The following ETNK2 variants were observed in gnomAD, a reference collection of about 807,000 sequenced individuals.
ETNK2 encodes ethanolamine kinase 2.
In ETNK2, 33 loss-of-function variants were observed where a neutral mutation model predicts 46.2. The ratio of observed to expected loss-of-function variants is 0.71; its 90% CI spans 0.54 to 0.96. ETNK2 has a LOEUF of 0.96. Among genes scored for constraint, ETNK2 ranks in the 40% least tolerant of loss-of-function variants. ETNK2 has a pLI of 0.00. For missense variants in ETNK2, 445 were observed against 509.7 expected (o/e 0.87, Z 1.22); for synonymous variants, 194 against 209.0 (o/e 0.93, Z 0.62).
In ETNK2 at chr1:204,134,827, G is replaced by A. The variant is rs562462338; in HGVS notation, c.1015-239C>T. ...GAGCTAGTTCTACCGAGGCCCTAAT[G>A]TTTACCAACCCTAAGGCAGGTAGTC... On this transcript the variant is annotated intron_variant, in intron 6 of 7. Coordinates refer to ENST00000367202, the MANE Select transcript of ETNK2 (RefSeq NM_018208.4). The A allele has an allele frequency of 8.4e-5, 73 of 869,846 alleles. 6 individuals carry two copies. In the South Asian group the frequency reaches 1.3e-3, roughly 15 times the overall value. The allele number at this position is 869,846 out of a possible 1,614,324, so 53.9% of individuals were successfully genotyped here. A position where few individuals can be genotyped will look rare whatever the true frequency, so the allele number is the denominator to read the frequency against.
In ETNK2 at chr1:204,151,758, T is replaced by G. The variant is rs946573478; in HGVS notation, c.95A>C (p.Lys32Thr). ...CPQCSWGMEEKAAASASCREP... is the reference protein window; with the variant it reads ...CPQCSWGMEETAAASASCREP... The stretch of plus-strand genomic sequence containing the variant: ...CCGGCAGCTGGCGCTGGCCGCCGCC[T>G]TCTCCTCCATGCCCCATGAGCACTG... The change falls in exon 1 of 8, where the codon AAG (lysine) becomes ACG (threonine). Residue 32 changes from lysine to threonine, a missense_variant. Transcript: ENST00000367202. The surrounding 1 kb of genome is among the most constrained non-coding windows in gnomAD (Gnocchi z 8.0). The G allele has an allele frequency of 1.6e-5, 25 of 1,525,394 alleles. No individual in the cohort carries two copies. Among genetic ancestry groups the G allele is most frequent in the Non-Finnish European group, 2.2e-5 (25 of 1,137,904 alleles). The allele number at this position is 1,525,394 out of a possible 1,614,324, so 94.5% of individuals were successfully genotyped here.
intron 6 of ETNK2, among the ~76,000 whole-genome samples, chr1:204,136,771 G>GA (rs1054822830): frequency 2.2e-4 from 34 of 151,760 alleles, no homozygotes; most frequent in African/African-American, 8.0e-4. Context: ...ACTGCAGCAT[G>GA]AAGGGCTGAG....
At chr1:204,133,807 A>G (rs1328539960) in intron 7 of ETNK2, among the ~76,000 whole-genome samples, 1 of 152,204 alleles carries the variant, frequency 6.6e-6, no homozygotes, top group East Asian at 1.9e-4. Flanking sequence ...CTGGGATTAC[A>G]GGCGTGAGCC....
chr1:204,141,537 C>G, intron 3 of ETNK2, 80 bp from the exon 4 acceptor site: 1 of 1,453,358 alleles, frequency 6.9e-7, no homozygotes, highest in Non-Finnish European at 9.3e-7. Context: ...TGAATCTGAG[C>G]CTCATCACTC....
Position 204,146,630 on chromosome 1 carries a change from A to T in ETNK2, c.641+12T>A. The T allele has an allele frequency of 6.2e-7, 1 of 1,613,928 alleles. No individual in the cohort carries two copies. Among genetic ancestry groups the T allele is most frequent in the Non-Finnish European group, 8.5e-7 (1 of 1,179,832 alleles). ...TATTAAGGCAGCCTTGGACCCTCCC[A>T]GATCTTTGTACCTGGGGTTGATCTC... On this transcript the variant is annotated intron_variant, in intron 3 of 7. Coordinates refer to ENST00000367202, the MANE Select transcript of ETNK2 (RefSeq NM_018208.4).
rs758777387 is a variant in ETNK2 at position 204,146,603 on chromosome 1, C to T, written c.641+39G>A. On this transcript the variant is annotated intron_variant, in intron 3 of 7. Coordinates refer to ENST00000367202, the MANE Select transcript of ETNK2 (RefSeq NM_018208.4). Reference sequence around the variant, plus strand: ...AGCCAAAAGGATGGGGAAGGGAGATCATATTAAGGCAGCCTTGGACCCTCC... The same window carrying T: ...AGCCAAAAGGATGGGGAAGGGAGATTATATTAAGGCAGCCTTGGACCCTCC... 14 of 1,611,210 alleles carry T rather than the reference C, an allele frequency of 8.7e-6. No homozygotes were observed. In the South Asian group the frequency reaches 1.5e-4, roughly 18 times the overall value.
At position 204,146,641 on chromosome 1, in the gene ETNK2, C is replaced by T. The variant is rs769560206; in HGVS notation, c.641+1G>A. 2 of 1,613,926 alleles carry T rather than the reference C, an allele frequency of 1.2e-6. No homozygotes were observed. Among genetic ancestry groups the T allele is most frequent in the Non-Finnish European group, 8.5e-7 (1 of 1,179,848 alleles). On this transcript the variant is annotated splice_donor_variant, in intron 3 of 7. Coordinates refer to ENST00000367202, the MANE Select transcript of ETNK2 (RefSeq NM_018208.4). LOFTEE classifies it high-confidence loss of function. ...CCTTGGACCCTCCCAGATCTTTGTA[C>T]CTGGGGTTGATCTCGTTCTTCACAA...
chr1:204,131,764 A>G lies in ETNK2; in HGVS notation c.*420T>C. The G allele has an allele frequency of 9.8e-6, 2 of 203,882 alleles. No individual in the cohort carries two copies. Among genetic ancestry groups the G allele is most frequent in the Admixed American group, 5.1e-5 (1 of 19,420 alleles). 12.6% of individuals were successfully genotyped at this position (203,882 alleles called of 1,614,324 possible). ...CCTCCCACATGGGGCATGCAGGGGG[A>G]GACGGACTGGAGGCTCAGGGCACTG... On this transcript the variant is annotated 3_prime_UTR_variant, in exon 8 of 8. Coordinates refer to ENST00000367202, the MANE Select transcript of ETNK2 (RefSeq NM_018208.4). This position sits in a 1 kb window ranked among gnomAD's most constrained non-coding sequence, Gnocchi z 4.3.
intron 6 of ETNK2, among the ~76,000 whole-genome samples, chr1:204,136,570 G>A (rs1313821990): frequency 2.0e-5 from 3 of 151,476 alleles, no homozygotes; most frequent in Non-Finnish European, 4.4e-5. Context: ...AAACTAGTTG[G>A]GTGTGGTGGT....
chr1:204,134,469 A>C (rs1191328483), intron 7 of ETNK2, 46 bp downstream of exon 7: 1 of 1,602,118 alleles, frequency 6.2e-7, no homozygotes, highest in Admixed American at 1.7e-5. Flanking sequence ...GGGCTCAACC[A>C]AGGCTCTCCC....
intron 2 of ETNK2, among the ~76,000 whole-genome samples, chr1:204,148,093 T>C (rs917039422): frequency 4.0e-5 from 6 of 151,646 alleles, no homozygotes; most frequent in Non-Finnish European, 5.9e-5. Flanking sequence ...CAGGCTGAGG[T>C]TGGGGGTGGG....
At chr1:204,137,287 T>C in intron 5 of ETNK2, 38 bp from the exon 6 acceptor site, 2 of 1,606,678 alleles carry the variant, frequency 1.2e-6, no homozygotes, top group South Asian at 1.1e-5. Flanking sequence ...TGCTCAGAGA[T>C]GGGCCCACCA....
At position 204,149,731 on chromosome 1, in the gene ETNK2, C is replaced by T. The variant is rs750335710; in HGVS notation, c.490G>A (p.Glu164Lys). 1.3e-6 allele frequency: 2 copies of T among 1,597,370 alleles called. No homozygotes were observed. Among genetic ancestry groups the T allele is most frequent in the South Asian group, 2.3e-5 (2 of 87,948 alleles). ...AAAAGCCGGGGCTCACGGATGTGCT[C>T]AGGCTCCAGGGCCACACCCTGCATG... is the stretch of plus-strand genomic sequence containing the variant. ...EYMQGVALEPEHIREPRLFRL... is the reference protein window; with the variant it reads ...EYMQGVALEPKHIREPRLFRL... Residue 164 changes from glutamate (E) to lysine (K), a missense_variant, in exon 2 of 8, where the codon GAG (glutamate) becomes AAG (lysine). Transcript: ENST00000367202.
chr1:204,132,012 G>A lies in ETNK2; in HGVS notation c.*172C>T. On this transcript the variant is annotated 3_prime_UTR_variant, in exon 8 of 8. Transcript: ENST00000367202. ...TCAGCCCCTCCAGACAGGAGAATGA[G>A]GTCTTCAGTGGCAACCACTGGGGTC... is the stretch of plus-strand genomic sequence containing the variant. 4.7e-6 allele frequency: 3 copies of A among 633,736 alleles called. No homozygotes were observed. The highest frequency in any genetic ancestry group is 8.6e-6 in the Non-Finnish European group (3 of 348,774). The allele number at this position is 633,736 out of a possible 1,614,324, so 39.3% of individuals were successfully genotyped here.
At chr1:204,141,207 A>C in intron 4 of ETNK2, 108 bp downstream of exon 4, 1 of 1,336,958 alleles carries the variant, frequency 7.5e-7, no homozygotes, top group Non-Finnish European at 1.1e-6. Context: ...ACCTAAATCA[A>C]GGTCTAACTT....
intron 5 of ETNK2, chr1:204,138,873 T>C (rs1374929441): frequency 1.3e-5 from 2 of 152,250 alleles, no homozygotes; most frequent in African/African-American, 4.8e-5. Flanking sequence ...GGTTCCATTG[T>C]GCATACTATG....
chr1:204,152,041 T>C lies in ETNK2; in HGVS notation c.-189A>G, dbSNP rs1571640520. The C allele has an allele frequency of 4.1e-6, 2 of 486,112 alleles. No homozygotes were observed. The highest frequency in any genetic ancestry group is 9.3e-5 in the Admixed American group (2 of 21,536). The allele number at this position is 486,112 out of a possible 1,614,324, so 30.1% of individuals were successfully genotyped here. ...CCCGGAGCGCCGCGGCCCGCCGCGA[T>C]TGTGACATCACGGGCGGTGGCCCGC... On this transcript the variant is annotated 5_prime_UTR_variant, in exon 1 of 8. Coordinates refer to ENST00000367202, the MANE Select transcript of ETNK2 (RefSeq NM_018208.4). The surrounding 1 kb of genome is among the most constrained non-coding windows in gnomAD (Gnocchi z 4.2).
intron 2 of ETNK2, among the ~76,000 whole-genome samples, chr1:204,148,915 G>A (rs1301272029): frequency 6.6e-6 from 1 of 152,224 alleles, no homozygotes; most frequent in African/African-American, 2.4e-5. Context: ...ACCTCAGCCT[G>A]CCTTGGGCCT....
Position 204,151,505 on chromosome 1 carries a change from G to T in ETNK2, c.258+90C>A. The T allele has an allele frequency of 6.6e-7, 1 of 1,513,256 alleles. No individual in the cohort carries two copies. The highest frequency in any genetic ancestry group is 1.2e-5 in the South Asian group (1 of 81,284). The allele number at this position is 1,513,256 out of a possible 1,614,324, so 93.7% of individuals were successfully genotyped here. A position where few individuals can be genotyped will look rare whatever the true frequency, so the allele number is the denominator to read the frequency against. ...GCAGCAGCCGCGCACCCCTGGGACT[G>T]ACACCCGGAAGGATGCGAGGACTGG... is the stretch of plus-strand genomic sequence containing the variant. On this transcript the variant is annotated intron_variant, in intron 1 of 7. Transcript: ENST00000367202. This position sits in a 1 kb window ranked among gnomAD's most constrained non-coding sequence, Gnocchi z 8.0.
Sources: gnomAD v4.1 joint callset for allele counts (sites outside exome capture counted in the v4.1 genomes callset) on GRCh38, gnomAD v4.1.1 for gene constraint, Gnocchi (gnomAD v3.1) non-coding constraint, MANE v1.5 for transcripts, NCBI Gene and HGNC (gene_info 2026-07-23, HGNC 2026-07-21) for gene names.